CBY2: variants seen among roughly 807,000 people sequenced by gnomAD.
CBY2 encodes protein chibby homolog 2.
Under a neutral mutation model 25.3 loss-of-function variants are expected in CBY2, and 23 were observed. The observed-to-expected ratio is 0.91, with a 90% CI of 0.65 to 1.29. The LOEUF is 1.29. Among genes scored for constraint, CBY2 ranks in the 50% most tolerant of loss-of-function variants. The pLI, the probability that CBY2 is intolerant of heterozygous loss-of-function variation, is 0.00. For synonymous variants in CBY2, 279 were observed against 260.2 expected (o/e 1.07, Z -0.70); for missense variants, 642 against 590.7 (o/e 1.09, Z -0.90).
chr13:45,703,520 A>G, intron 2 of CBY2: 3 of 1,550,924 alleles, frequency 1.9e-6, no homozygotes, highest in Non-Finnish European at 2.6e-6. Context: ...GAGTCACCTA[A>G]GTCCTCATTG....
intron 2 of CBY2, among the ~76,000 whole-genome samples, chr13:45,708,249 A>G (rs1028783252): frequency 3.3e-5 from 5 of 152,264 alleles, no homozygotes; most frequent in Non-Finnish European, 5.9e-5. Context: ...GTGACTTTGT[A>G]AAGGTCATGC....
chr13:45,703,122 T>C (rs1170347237), intron 2 of CBY2: 3 of 1,288,586 alleles, frequency 2.3e-6, no homozygotes, highest in Middle Eastern at 3.0e-4. Context: ...GTTTCTATGA[T>C]ACACTGAAGT....
chr13:45,702,884 T>G (rs779868804), intron 2 of CBY2, 29 bp downstream of exon 2: 1 of 1,545,814 alleles, frequency 6.5e-7, no homozygotes, highest in South Asian at 1.1e-5. Flanking sequence ...GGATGTAACC[T>G]ATCAGTGTTA....
intron 2 of CBY2, chr13:45,703,412 T>C: frequency 6.7e-7 from 1 of 1,494,856 alleles, no homozygotes; most frequent in Non-Finnish European, 8.9e-7. Context: ...GTCTCAGGTC[T>C]CCTCCTGCCT....
chr13:45,702,357 C>G lies in CBY2; in HGVS notation c.-34C>G. 6.3e-7 allele frequency: 1 copy of G among 1,591,626 alleles called. No individual in the cohort carries two copies. Among genetic ancestry groups the G allele is most frequent in the Non-Finnish European group, 8.6e-7 (1 of 1,159,600 alleles). On this transcript the variant is annotated 5_prime_UTR_variant, in exon 1 of 3. Transcript: ENST00000310521. Reference sequence around the variant, plus strand: ...CCCACCTGTGATGCTCAGAGAGAAACCATGAGCCCTGAAAAACACCATATT... The same window carrying G: ...CCCACCTGTGATGCTCAGAGAGAAAGCATGAGCCCTGAAAAACACCATATT...
chr13:45,713,694 C>T lies in CBY2; in HGVS notation c.669C>T (p.Ser223=). ...CCTCGCCACTGCTGCACAAAGACAG[C>T]GCGTCCCTGGAGGTGGTGAAGAAGG... The part of the protein sequence containing the change: ...RAPSPLLHKD[S]ASLEVVKKDH... The change falls in exon 3 of 3, where the codon AGC becomes AGT. Residue 223 remains serine, a synonymous_variant. Transcript: ENST00000310521. The surrounding 1 kb of genome is among the most constrained non-coding windows in gnomAD (Gnocchi z 5.0). 1.2e-6 allele frequency: 2 copies of T among 1,612,264 alleles called. No homozygotes were observed. The highest frequency in any genetic ancestry group is 2.2e-5 in the South Asian group (2 of 91,072).
intron 2 of CBY2, among the ~76,000 whole-genome samples, chr13:45,707,172 G>A (rs539527379): frequency 2.6e-5 from 4 of 152,224 alleles, no homozygotes; most frequent in East Asian, 1.9e-4. Flanking sequence ...AATTTAGGGC[G>A]TTTACCCTCG....
Position 45,713,113 on chromosome 13 carries a change from C to T in CBY2, c.157-69C>T. On this transcript the variant is annotated intron_variant, in intron 2 of 2. Coordinates refer to ENST00000310521, the MANE Select transcript of CBY2 (RefSeq NM_152719.3). The surrounding 1 kb of genome is among the most constrained non-coding windows in gnomAD (Gnocchi z 5.0). ...GGGCTTATTTGGGGATGTCCTGGCC[C>T]CTTTGTCAGCCAGCCCCAAGTGTGT... The T allele has an allele frequency of 7.7e-7, 1 of 1,298,006 alleles. No homozygotes were observed. The highest frequency in any genetic ancestry group is 1.1e-6 in the Non-Finnish European group (1 of 945,190). The allele number at this position is 1,298,006 out of a possible 1,614,324, so 80.4% of individuals were successfully genotyped here.
At position 45,703,697 on chromosome 13, in the gene CBY2, G is replaced by A. The variant is rs550231866; in HGVS notation, c.156+842G>A. 3.3e-4 allele frequency: 311 copies of A among 935,998 alleles called. 2 individuals carry two copies. Among genetic ancestry groups the A allele is most frequent in the Middle Eastern group, 2.9e-3 (12 of 4,068 alleles). 58.0% of individuals were successfully genotyped at this position (935,998 alleles called of 1,614,324 possible). A position where few individuals can be genotyped will look rare whatever the true frequency, so the allele number is the denominator to read the frequency against. On this transcript the variant is annotated intron_variant, in intron 2 of 2. Transcript: ENST00000310521. ...CAATCTAGGCAAGTATGTTCAGCGG[G>A]AGGCAAAAATATGGAAGAAGAAAAC...
At chr13:45,702,556 A>G in intron 1 of CBY2, 91 bp downstream of exon 1, 1 of 1,117,786 alleles carries the variant, frequency 8.9e-7, no homozygotes, top group Non-Finnish European at 1.4e-6. Flanking sequence ...AAAGCCTTTT[A>G]CATCAACTAT....
chr13:45,707,324 T>C lies in CBY2; in HGVS notation c.156+4469T>C, dbSNP rs574698714. 3.3e-5 allele frequency among the ~76,000 whole-genome samples: 5 copies of C among 152,198 alleles called. 1 individual carries two copies. In the South Asian group the frequency reaches 1.0e-3, roughly 32 times the overall value. On this transcript the variant is annotated intron_variant, in intron 2 of 2. Transcript: ENST00000310521. Reference sequence around the variant, plus strand: ...TGAGGAAAACTCCATGCTTATAGATTTTACATCATACCATAACAGCTTTGC... The same window carrying C: ...TGAGGAAAACTCCATGCTTATAGATCTTACATCATACCATAACAGCTTTGC...
intron 2 of CBY2, among the ~76,000 whole-genome samples, chr13:45,705,270 T>G: frequency 6.6e-6 from 1 of 152,240 alleles, no homozygotes; most frequent in Non-Finnish European, 1.5e-5. Context: ...TTGTATGTAA[T>G]GATTCAGTTC....
Position 45,702,329 on chromosome 13 carries a change from A to G in CBY2, c.-62A>G. 6.8e-7 allele frequency: 1 copy of G among 1,473,926 alleles called. No individual in the cohort carries two copies. The highest frequency in any genetic ancestry group is 9.5e-7 in the Non-Finnish European group (1 of 1,052,464). The allele number at this position is 1,473,926 out of a possible 1,614,324, so 91.3% of individuals were successfully genotyped here. ...GCTCTTCCTGCCTGTCAGATGCCTC[A>G]TTCCCACCTGTGATGCTCAGAGAGA... On this transcript the variant is annotated 5_prime_UTR_variant, in exon 1 of 3. Coordinates refer to ENST00000310521, the MANE Select transcript of CBY2 (RefSeq NM_152719.3).
At position 45,704,299 on chromosome 13, in the gene CBY2, T is replaced by C. The variant is rs1950228124; in HGVS notation, c.156+1444T>C. Among the ~76,000 whole-genome samples the C allele has an allele frequency of 6.6e-6, 1 of 152,188 alleles. No homozygotes were observed. Among genetic ancestry groups the C allele is most frequent in the Non-Finnish European group, 1.5e-5 (1 of 68,026 alleles). Reference sequence around the variant, plus strand: ...AGCTCAAGCTTGTCTTGGGGCTGCCTGCTTCCTGTGCTGGAGGACCTGGTG... The same window carrying C: ...AGCTCAAGCTTGTCTTGGGGCTGCCCGCTTCCTGTGCTGGAGGACCTGGTG... On this transcript the variant is annotated intron_variant, in intron 2 of 2. Coordinates refer to ENST00000310521, the MANE Select transcript of CBY2 (RefSeq NM_152719.3). The surrounding 1 kb of genome is among the most constrained non-coding windows in gnomAD (Gnocchi z 4.1).
rs1254324660 is a variant in CBY2 at position 45,713,871 on chromosome 13, G to A, written c.846G>A (p.Lys282=). ...CGGCCGCCCCTGCCGAGGAAAGCAA[G>A]CCCGCCCCCTCACCCCACGAGGAGC... ...EDTAAPAEES[K]PAPSPHEEPC... The change falls in exon 3 of 3, where the codon AAG becomes AAA. Residue 282 remains lysine (K), a synonymous_variant. Transcript: ENST00000310521. The surrounding 1 kb of genome is among the most constrained non-coding windows in gnomAD (Gnocchi z 5.0). 6.6e-7 allele frequency: 1 copy of A among 1,522,430 alleles called. No homozygotes were observed. The highest frequency in any genetic ancestry group is 8.8e-7 in the Non-Finnish European group (1 of 1,138,208). 94.3% of individuals were successfully genotyped at this position (1,522,430 alleles called of 1,614,324 possible). A position where few individuals can be genotyped will look rare whatever the true frequency, so the allele number is the denominator to read the frequency against.
At position 45,713,728 on chromosome 13, in the gene CBY2, G is replaced by T; in HGVS notation, c.703G>T (p.Ala235Ser). The part of the protein sequence containing the change: ...SLEVVKKDHV[A>S]LQVPRGKEDS... ...GGAGGTGGTGAAGAAGGACCACGTC[G>T]CCCTGCAGGTGCCCCGTGGCAAGGA... Residue 235 changes from alanine (A) to serine (S), a missense_variant, in exon 3 of 3, where the codon GCC becomes TCC. By Grantham distance (99) the Ala-to-Ser change is moderately conservative (BLOSUM62 1). Transcript: ENST00000310521. The surrounding 1 kb of genome is among the most constrained non-coding windows in gnomAD (Gnocchi z 5.0). The T allele has an allele frequency of 6.2e-7, 1 of 1,611,334 alleles. No individual in the cohort carries two copies.
chr13:45,706,807 G>A (rs1242332321), intron 2 of CBY2, among the ~76,000 whole-genome samples: 1 of 152,174 alleles, frequency 6.6e-6, no homozygotes, highest in African/African-American at 2.4e-5. Flanking sequence ...ACCACTGGTC[G>A]AGGAGTCCTA....
chr13:45,714,439 C>A lies in CBY2; in HGVS notation c.*67C>A. 1 of 1,379,950 alleles carries A rather than the reference C, an allele frequency of 7.2e-7. No individual in the cohort carries two copies. The highest frequency in any genetic ancestry group is 9.8e-7 in the Non-Finnish European group (1 of 1,023,128). The allele number at this position is 1,379,950 out of a possible 1,614,324, so 85.5% of individuals were successfully genotyped here. On this transcript the variant is annotated 3_prime_UTR_variant, in exon 3 of 3. Coordinates refer to ENST00000310521, the MANE Select transcript of CBY2 (RefSeq NM_152719.3). ...ACACTGGGCAAAAGAGAATCCCCTG[C>A]CTTCCTTTGTCGTCCTCGCCTTCCC...
rs1355953957 is a variant in CBY2, at chr13:45,714,363, C to A, written c.1338C>A (p.Ser446Arg). The A allele has an allele frequency of 6.2e-7, 1 of 1,602,384 alleles. No individual in the cohort carries two copies. Among genetic ancestry groups the A allele is most frequent in the Non-Finnish European group, 8.5e-7 (1 of 1,174,110 alleles). ...PARSQDPKKP[S>R]RV ...GGAGCCAGGACCCCAAGAAGCCTAG[C>A]AGGGTCTGAGGCCTCGGCCTTGCAC... The change falls in exon 3 of 3, where the codon AGC (serine) becomes AGA (arginine). Residue 446 changes from serine (S) to arginine (R), a missense_variant. Physicochemically the swap from Ser to Arg is moderately radical, Grantham distance 110. Transcript: ENST00000310521.
Sources: allele counts gnomAD v4.1 joint callset (sites outside exome capture counted in the v4.1 genomes callset), GRCh38; gene constraint gnomAD v4.1.1; non-coding constraint Gnocchi (gnomAD v3.1); transcripts MANE v1.5; gene names NCBI Gene and HGNC (gene_info 2026-07-23, HGNC 2026-07-21).